Variants in MYH7B observed in about 807,000 individuals in gnomAD.
The protein encoded by MYH7B is myosin-7B.
Under a neutral mutation model 234.5 loss-of-function variants are expected in MYH7B, and 205 were observed. That is an observed-to-expected ratio of 0.87 (90% CI 0.78 to 0.98). MYH7B has a LOEUF of 0.98. MYH7B is among the 50% of genes least tolerant of loss of function. The probability of loss-of-function intolerance (pLI) is 0.00; values close to 1 mark genes in which losing one functional copy is unlikely to be tolerated. For synonymous variants in MYH7B, 1,193 were observed against 1,105.0 expected (o/e 1.08, Z -1.58); for missense variants, 2,652 against 2,633.4 (o/e 1.01, Z -0.15).
chr20:34,999,272 G>A lies in MYH7B; in HGVS notation c.4407G>A (p.Glu1469=), dbSNP rs1489254813. 6 of 1,596,392 alleles carry A rather than the reference G, an allele frequency of 3.8e-6. No individual in the cohort carries two copies. In the Admixed American group the frequency reaches 7.1e-5, roughly 19 times the overall value. ...AGGAACGGCGGCGGCAGGAGGAGGA[G>A]ATGCAGCGGGAGCTGGAGGCGGCAC... Residue 1469 remains glutamate, a synonymous_variant, in exon 36 of 45, where the codon GAG becomes GAA. Coordinates refer to ENST00000262873, the Ensembl canonical transcript of MYH7B.
chr20:34,965,997 G>A (rs1233857759), intron 2 of MYH7B, among the ~76,000 whole-genome samples: 1 of 151,076 alleles, frequency 6.6e-6, no homozygotes, highest in Non-Finnish European at 1.5e-5. Context: ...CCATAAGACT[G>A]TCTTCTTGCT....
At chr20:35,000,881 G>A (rs981401912) in exon 40 of MYH7B, 1 of 1,612,858 alleles carries the variant, frequency 6.2e-7, no homozygotes, top group African/African-American at 1.3e-5. Context: ...AGGCCAAAAA[G>A]GCCATCACTG....
chr20:34,988,260 A>G (rs1217582700), exon 19 of MYH7B: 1 of 1,611,144 alleles, frequency 6.2e-7, no homozygotes, highest in Non-Finnish European at 8.5e-7. Flanking sequence ...CCTCATCGAG[A>G]AGGTGGGTGC....
chr20:34,995,174 T>C (rs996763001), intron 27 of MYH7B, among the ~76,000 whole-genome samples, 162 bp from the exon 28 acceptor site: 2 of 152,232 alleles, frequency 1.3e-5, no homozygotes, highest in African/African-American at 4.8e-5. Flanking sequence ...CTCTGCGCTA[T>C]TGCCCTTCCA....
chr20:34,997,628 G>C (rs1425839801), exon 32 of MYH7B: 10 of 1,613,380 alleles, frequency 6.2e-6, no homozygotes, highest in African/African-American at 1.3e-5. Flanking sequence ...TGGAGACTCT[G>C]ACCCGCGCCA....
chr20:34,974,831 T>G (rs1349080188), intron 2 of MYH7B, among the ~76,000 whole-genome samples: 1 of 152,222 alleles, frequency 6.6e-6, no homozygotes, highest in Non-Finnish European at 1.5e-5. Flanking sequence ...TTATTGACTT[T>G]CTATGATGTG....
At chr20:34,997,996 T>TA (rs888781805) in intron 32 of MYH7B, among the ~76,000 whole-genome samples, 3 of 152,174 alleles carry the variant, frequency 2.0e-5, no homozygotes, top group African/African-American at 4.8e-5. Flanking sequence ...CTGACCTTTC[T>TA]ACCACATAAT....
chr20:35,000,735 G>C, intron 39 of MYH7B, 33 bp from the exon 40 acceptor site: 1 of 1,606,206 alleles, frequency 6.2e-7, no homozygotes. Context: ...AGGCCTGCTG[G>C]CTGGCTGGCT....
intron 3 of MYH7B, 134 bp from the exon 4 acceptor site, chr20:34,977,498 G>A: frequency 3.9e-6 from 3 of 761,136 alleles, no homozygotes; most frequent in Non-Finnish European, 4.5e-6. Context: ...CCCTGACAAT[G>A]GGAGGTAAAA....
chr20:34,986,269 A>G (rs1457422349), intron 14 of MYH7B, 71 bp downstream of exon 14: 3 of 1,234,004 alleles, frequency 2.4e-6, no homozygotes, highest in Non-Finnish European at 3.5e-6. Flanking sequence ...CCTGGCCCCC[A>G]TCAGGCCAGG....
At chr20:34,963,670 A>C (rs761388944) in intron 2 of MYH7B, among the ~76,000 whole-genome samples, 21 of 152,226 alleles carry the variant, frequency 1.4e-4, no homozygotes, top group African/African-American at 2.2e-4. Flanking sequence ...AAGGTCACAA[A>C]GATTTACACT....
chr20:34,989,783 C>T lies in MYH7B; in HGVS notation c.1631C>T (p.Pro544Leu), dbSNP rs1555894731. The change falls in exon 20 of 45, where the codon CCC (proline) becomes CTC (leucine). Residue 544 changes from proline to leucine, a missense_variant. Physicochemically the swap from Pro to Leu is moderately conservative, Grantham distance 98. This residue lies in a region of MYH7B where 2,279 missense variants were observed against 2,211.4 expected (regional missense o/e 1.03). Coordinates refer to ENST00000262873, the Ensembl canonical transcript of MYH7B. ...ATCCTGGAGGAGGAATGCATGTTCC[C>T]CAAGGCCTCAGACGCCAGCTTCCGG... 8 of 1,614,020 alleles carry T rather than the reference C, an allele frequency of 5.0e-6. No individual in the cohort carries two copies. Among genetic ancestry groups the T allele is most frequent in the African/African-American group, 1.3e-5 (1 of 74,920 alleles).
chr20:34,990,373 C>T (rs755464712), intron 22 of MYH7B, 63 bp downstream of exon 22: 5 of 1,571,946 alleles, frequency 3.2e-6, no homozygotes, highest in Non-Finnish European at 4.4e-6. Flanking sequence ...TCCTTCACCC[C>T]CTGCCCTGTC....
At position 34,987,001 on chromosome 20, in the gene MYH7B, G is replaced by A. The variant is rs758963206; in HGVS notation, c.1008+12G>A. The stretch of plus-strand genomic sequence containing the variant: ...TCATCGCCACCGACGTATGAGCTCT[G>A]GTGGGAGGGGAGCTGTGTGGACGCC... On this transcript the variant is annotated intron_variant, in intron 15 of 44. Transcript: ENST00000262873. The A allele has an allele frequency of 1.9e-6, 3 of 1,612,358 alleles. No individual in the cohort carries two copies. The highest frequency in any genetic ancestry group is 1.7e-5 in the Admixed American group (1 of 59,980).
chr20:34,998,620 G>A, exon 34 of MYH7B: 7 of 1,613,174 alleles, frequency 4.3e-6, no homozygotes, highest in Non-Finnish European at 5.1e-6. Context: ...AGCTAGAGGA[G>A]GAAAGCAAGG....
At chr20:34,987,867 C>G (rs2082060205) in exon 18 of MYH7B, 25 of 1,611,946 alleles carry the variant, frequency 1.6e-5, no homozygotes, top group Non-Finnish European at 1.9e-5. Context: ...GCTGCCCCGG[C>G]AGTTCTTCAT....
intron 5 of MYH7B, 114 bp downstream of exon 5, chr20:34,978,210 C>T (rs2081888197): frequency 3.2e-6 from 4 of 1,255,740 alleles, no homozygotes; most frequent in Admixed American, 4.1e-5. Flanking sequence ...TGGGGCCTGA[C>T]AGCTGGAGCC....
chr20:34,966,357 A>T (rs1284177770), intron 2 of MYH7B, among the ~76,000 whole-genome samples: 2 of 152,236 alleles, frequency 1.3e-5, no homozygotes, highest in Non-Finnish European at 2.9e-5. Flanking sequence ...CCAGGGACTT[A>T]TGTGGAGTGA....
At chr20:34,975,754 C>T (rs992144755) in intron 3 of MYH7B, among the ~76,000 whole-genome samples, 7 of 151,894 alleles carry the variant, frequency 4.6e-5, no homozygotes, top group East Asian at 1.9e-4. Flanking sequence ...CTCGTACTGT[C>T]GCCCAGGCTG....
Sources: allele counts gnomAD v4.1 joint callset (sites outside exome capture counted in the v4.1 genomes callset), GRCh38; gene constraint gnomAD v4.1.1; regional missense constraint gnomAD v4.1.1; transcripts MANE v1.5; gene names NCBI Gene and HGNC (gene_info 2026-07-23, HGNC 2026-07-21).